Variants in SPINK8 observed in about 807,000 individuals in gnomAD.
SPINK8 encodes the protein serine protease inhibitor Kazal-type 8.
Under a neutral mutation model 14.4 loss-of-function variants are expected in SPINK8, and 12 were observed. The observed-to-expected ratio is 0.83, with a 90% CI of 0.53 to 1.35. SPINK8 has a LOEUF of 1.35. Ranked by LOEUF, SPINK8 falls within the 40% of genes most tolerant of loss-of-function variation. The pLI is 0.00. For missense variants in SPINK8, 103 were observed against 117.0 expected (o/e 0.88, Z 0.55); for synonymous variants, 32 against 37.6 (o/e 0.85, Z 0.55).
intron 6 of SPINK8, among the ~76,000 whole-genome samples, chr3:48,318,515 G>A (rs2036025238): frequency 1.3e-5 from 2 of 152,208 alleles, no homozygotes; most frequent in Admixed American, 6.5e-5. Flanking sequence ...TTCCAGCATC[G>A]TTTGACTCTG....
At chr3:48,321,231 G>A (rs1351011769) in intron 4 of SPINK8, among the ~76,000 whole-genome samples, 157 bp from the exon 5 acceptor site, 2 of 152,208 alleles carry the variant, frequency 1.3e-5, no homozygotes, top group African/African-American at 4.8e-5. Flanking sequence ...CTCTAAAGGA[G>A]CAAAGAATCA....
At chr3:48,328,192 G>T in intron 4 of SPINK8, 83 bp downstream of exon 4, 2 of 1,089,082 alleles carry the variant, frequency 1.8e-6, no homozygotes, top group Non-Finnish European at 2.7e-6. Flanking sequence ...AAACTGAACA[G>T]CACTTCCACT....
intron 7 of SPINK8, among the ~76,000 whole-genome samples, chr3:48,307,536 C>G (rs1386019984): frequency 8.7e-6 from 1 of 115,572 alleles, no homozygotes; most frequent in Non-Finnish European, 1.8e-5. Flanking sequence ...CCCTATCTGC[C>G]CCCCACCCCC....
At chr3:48,309,410 T>G (rs929775706) in intron 7 of SPINK8, among the ~76,000 whole-genome samples, 1 of 152,212 alleles carries the variant, frequency 6.6e-6, no homozygotes, top group South Asian at 2.1e-4. Context: ...TTCATTAATA[T>G]CCTAGATATT....
intron 4 of SPINK8, among the ~76,000 whole-genome samples, chr3:48,321,780 C>T (rs2036079472): frequency 1.3e-5 from 2 of 151,480 alleles, no homozygotes; most frequent in African/African-American, 4.8e-5. Flanking sequence ...CACCATTACA[C>T]TTCAGCGTGG....
chr3:48,316,824 C>T (rs1244154626), intron 6 of SPINK8, among the ~76,000 whole-genome samples: 2 of 151,942 alleles, frequency 1.3e-5, no homozygotes, highest in African/African-American at 4.8e-5. Flanking sequence ...TGACAGTCAA[C>T]CAAGAATTCT....
At chr3:48,309,811 T>G (rs2035899564) in intron 7 of SPINK8, 93 bp downstream of exon 7, 1 of 1,359,362 alleles carries the variant, frequency 7.4e-7, no homozygotes, top group East Asian at 3.2e-5. Context: ...TTGAAAATGT[T>G]CATAACAAAA....
chr3:48,332,210 G>A (rs868734399), intron 2 of SPINK8, among the ~76,000 whole-genome samples, 156 bp downstream of exon 2: 13 of 152,184 alleles, frequency 8.5e-5, no homozygotes, highest in South Asian at 4.1e-4. Flanking sequence ...TGACTAAAGC[G>A]GTGGCCTTCT....
chr3:48,325,790 G>C (rs2036132121), intron 4 of SPINK8, among the ~76,000 whole-genome samples: 2 of 151,834 alleles, frequency 1.3e-5, no homozygotes, highest in Non-Finnish European at 2.9e-5. Context: ...TAGAGATGGG[G>C]TTTCTCCAAG....
chr3:48,327,609 A>G (rs989064793), intron 4 of SPINK8, among the ~76,000 whole-genome samples: 8 of 152,174 alleles, frequency 5.3e-5, no homozygotes, highest in South Asian at 2.1e-4. Context: ...GAAGTGTAGA[A>G]ATATACCTAG....
chr3:48,324,628 A>G (rs2036115792), intron 4 of SPINK8, among the ~76,000 whole-genome samples: 1 of 152,202 alleles, frequency 6.6e-6, no homozygotes, highest in African/African-American at 2.4e-5. Context: ...ATACATTCAA[A>G]TAAACATTTC....
intron 4 of SPINK8, among the ~76,000 whole-genome samples, chr3:48,326,086 C>G (rs1410596796): frequency 6.6e-6 from 1 of 151,902 alleles, no homozygotes. Context: ...AATTTAGCCT[C>G]AGCAACACAA....
At position 48,319,579 on chromosome 3, in the gene SPINK8, A is replaced by T. The variant is rs762532023; in HGVS notation, c.157T>A (p.Ser53Thr). The T allele has an allele frequency of 6.2e-7, 1 of 1,614,008 alleles. No homozygotes were observed. Among genetic ancestry groups the T allele is most frequent in the South Asian group, 1.1e-5 (1 of 91,076 alleles). Residue 53 changes from serine (S) to threonine (T), a missense_variant, in exon 6 of 8, where the codon TCC (serine) becomes ACC (threonine). Ser to Thr is a moderately conservative substitution (Grantham distance 58, BLOSUM62 1). Coordinates refer to ENST00000434006, the MANE Select transcript of SPINK8 (RefSeq NM_001080525.3). ...LKNVNKCWFL[S>T]YIKPSEPICG... ...ATAGGTTCACTGGGCTTGATGTAGGATAAAAACCAGCACTTATTTACATTC... is the reference window on the plus strand; with the variant it reads ...ATAGGTTCACTGGGCTTGATGTAGGTTAAAAACCAGCACTTATTTACATTC...
intron 6 of SPINK8, 69 bp downstream of exon 6, chr3:48,319,428 T>C: frequency 6.3e-7 from 1 of 1,583,308 alleles, no homozygotes; most frequent in Non-Finnish European, 8.6e-7. Flanking sequence ...TGGGCTGAGG[T>C]CATCACCCTC....
At chr3:48,331,367 T>C (rs767206069) in intron 2 of SPINK8, among the ~76,000 whole-genome samples, 1 of 152,194 alleles carries the variant, frequency 6.6e-6, no homozygotes. Context: ...TCCTGCCTTG[T>C]GGCTCTTTGG....
chr3:48,320,639 G>A (rs1388987806), intron 5 of SPINK8, among the ~76,000 whole-genome samples: 2 of 152,202 alleles, frequency 1.3e-5, no homozygotes, highest in Non-Finnish European at 2.9e-5. Flanking sequence ...AGGCACCAAA[G>A]GAAGGAGATG....
chr3:48,330,696 C>T (rs937579458), intron 2 of SPINK8, among the ~76,000 whole-genome samples: 2 of 151,784 alleles, frequency 1.3e-5, no homozygotes, highest in Admixed American at 1.3e-4. Context: ...CTGCTTTTAG[C>T]CTATTTTGTA....
intron 2 of SPINK8, among the ~76,000 whole-genome samples, chr3:48,331,777 C>T (rs2036266526): frequency 6.6e-6 from 1 of 152,192 alleles, no homozygotes; most frequent in Admixed American, 6.5e-5. Flanking sequence ...CTAGTGACTG[C>T]CTGTCCTAGG....
intron 6 of SPINK8, among the ~76,000 whole-genome samples, chr3:48,311,315 T>G (rs1241881288): frequency 6.6e-6 from 1 of 152,142 alleles, no homozygotes; most frequent in Non-Finnish European, 1.5e-5. Context: ...CTGAAAGACC[T>G]GTATAAGATC....
Sources: allele counts gnomAD v4.1 joint callset (sites outside exome capture counted in the v4.1 genomes callset), GRCh38; gene constraint gnomAD v4.1.1; transcripts MANE v1.5; gene names NCBI Gene and HGNC (gene_info 2026-07-23, HGNC 2026-07-21).